LRP1B: variants seen among roughly 807,000 people sequenced by gnomAD.
LRP1B encodes the protein low-density lipoprotein receptor-related protein 1B.
In LRP1B, 217 loss-of-function variants were observed where a neutral mutation model predicts 556.6. The ratio of observed to expected loss-of-function variants is 0.39; its 90% CI spans 0.35 to 0.44. LRP1B has a LOEUF of 0.44. LRP1B is among the 20% of genes least tolerant of loss of function. The probability of loss-of-function intolerance (pLI) is 1.00; values close to 1 mark genes in which losing one functional copy is unlikely to be tolerated. For synonymous variants in LRP1B, 2,047 were observed against 1,865.8 expected, an observed-to-expected ratio of 1.10 and a Z score of -2.50; for missense variants, 5,053 against 5,620.8, an observed-to-expected ratio of 0.90 and a Z score of 3.23.
rs142538994 is a variant in LRP1B at position 140,978,259 on chromosome 2, A to G, written c.2887+3901T>C. On this transcript the variant is annotated intron_variant, in intron 18 of 90. Transcript: ENST00000389484. ...AAATAGATGCTAGTAAATTCCAGTG[A>G]AAACCTGACCCTCAGTTGTAGCACC... is the stretch of plus-strand genomic sequence containing the variant. Among the ~76,000 whole-genome samples, 72 of 152,324 alleles carry G rather than the reference A, an allele frequency of 4.7e-4. No homozygotes were observed. The East Asian group carries it at 0.013, about 27-fold the overall frequency.
At chr2:140,938,471 C>T (rs1269334312) in intron 20 of LRP1B, among the ~76,000 whole-genome samples, 1 of 151,928 alleles carries the variant, frequency 6.6e-6, no homozygotes, top group Non-Finnish European at 1.5e-5. Flanking sequence ...AGTAGAAATG[C>T]CTTTCTTTTG....
intron 1 of LRP1B, among the ~76,000 whole-genome samples, chr2:141,967,727 C>A (rs1198176771): frequency 1.3e-5 from 2 of 151,640 alleles, no homozygotes; most frequent in South Asian, 2.1e-4. Flanking sequence ...TTTATAACAC[C>A]TTCTGCTTAA....
At chr2:141,936,530 C>T (rs188896393) in intron 1 of LRP1B, among the ~76,000 whole-genome samples, 308 of 152,286 alleles carry the variant, frequency 2.0e-3, no homozygotes, top group African/African-American at 7.2e-3. Context: ...CCAACTCTGC[C>T]TTTAGACTTT....
intron 35 of LRP1B, among the ~76,000 whole-genome samples, chr2:140,729,655 C>T (rs1427081321): frequency 1.3e-5 from 2 of 152,138 alleles, no homozygotes; most frequent in Non-Finnish European, 2.9e-5. Context: ...GACCAAGAAG[C>T]CTCCTTCAAT....
chr2:140,569,525 C>T (rs925643509), intron 43 of LRP1B, among the ~76,000 whole-genome samples: 2 of 151,748 alleles, frequency 1.3e-5, no homozygotes, highest in African/African-American at 4.8e-5. Context: ...TATATATACA[C>T]CCAACATTAG....
intron 77 of LRP1B, among the ~76,000 whole-genome samples, chr2:140,346,344 T>C (rs990630856): frequency 4.2e-4 from 64 of 151,956 alleles, no homozygotes; most frequent in African/African-American, 1.5e-3. Flanking sequence ...AAATCCATTA[T>C]AGCAAAGTGT....
chr2:141,950,029 G>A (rs762134028), intron 1 of LRP1B, among the ~76,000 whole-genome samples: 3 of 152,024 alleles, frequency 2.0e-5, no homozygotes, highest in Non-Finnish European at 2.9e-5. Context: ...GGAACTATCC[G>A]GTTTAAAATG....
At chr2:140,958,360 AG>A (rs1220200063) in intron 18 of LRP1B, among the ~76,000 whole-genome samples, 1 of 151,654 alleles carries the variant, frequency 6.6e-6, no homozygotes, top group Admixed American at 6.6e-5. Flanking sequence ...TAAAATAGGC[AG>A]ATTTGAAAAG....
chr2:142,116,584 C>A (rs538096797), intron 1 of LRP1B, among the ~76,000 whole-genome samples: 2 of 152,106 alleles, frequency 1.3e-5, no homozygotes, highest in East Asian at 3.9e-4. Flanking sequence ...AAAATCTATA[C>A]CCTCATTAAT....
intron 87 of LRP1B, among the ~76,000 whole-genome samples, chr2:140,246,657 C>T (rs1176385691): frequency 6.6e-6 from 1 of 151,396 alleles, no homozygotes; most frequent in African/African-American, 2.4e-5. Flanking sequence ...CTCTTTCAGA[C>T]TAACCAATAA....
At chr2:140,921,166 T>C (rs892386430) in intron 21 of LRP1B, among the ~76,000 whole-genome samples, 1 of 151,992 alleles carries the variant, frequency 6.6e-6, no homozygotes, top group Non-Finnish European at 1.5e-5. Flanking sequence ...TATTAATACA[T>C]AGCTTTGAGA....
chr2:142,122,342 G>C (rs1159341795), intron 1 of LRP1B, among the ~76,000 whole-genome samples: 1 of 152,200 alleles, frequency 6.6e-6, no homozygotes, highest in South Asian at 2.1e-4. Context: ...CTAGGAGAAG[G>C]AACTGTAGAA....
At chr2:141,362,916 T>G (rs1359196112) in intron 3 of LRP1B, among the ~76,000 whole-genome samples, 4 of 152,138 alleles carry the variant, frequency 2.6e-5, no homozygotes, top group African/African-American at 7.2e-5. Flanking sequence ...TCCAAAAGCT[T>G]GGTAAAAATA....
intron 23 of LRP1B, 137 bp from the exon 24 acceptor site, chr2:140,886,472 C>A (rs1693639595): frequency 1.8e-6 from 1 of 547,860 alleles, no homozygotes; most frequent in Non-Finnish European, 3.1e-6. Context: ...TCTTTTAATC[C>A]AAAATTTAAC....
chr2:140,582,635 G>A (rs1681817752), intron 43 of LRP1B, among the ~76,000 whole-genome samples: 1 of 152,092 alleles, frequency 6.6e-6, no homozygotes, highest in East Asian at 1.9e-4. Context: ...CATTCCTTCT[G>A]TCATGCGAGG....
intron 2 of LRP1B, among the ~76,000 whole-genome samples, chr2:141,516,693 T>TCTC (rs770469235): frequency 2.3e-4 from 5 of 21,354 alleles, no homozygotes; most frequent in Admixed American, 1.2e-3. Flanking sequence ...TCTCTCTCTC[T>TCTC]TTTTTTTTTT....
At chr2:141,825,751 A>G in intron 1 of LRP1B, among the ~76,000 whole-genome samples, 1 of 152,192 alleles carries the variant, frequency 6.6e-6, no homozygotes, top group East Asian at 1.9e-4. Context: ...GTGAAATCTC[A>G]TCAAAGTAAT....
At chr2:141,788,604 C>T (rs1054346349) in intron 2 of LRP1B, among the ~76,000 whole-genome samples, 1 of 151,856 alleles carries the variant, frequency 6.6e-6, no homozygotes, top group African/African-American at 2.4e-5. Flanking sequence ...CATATGTATA[C>T]ATGTGCCATG....
intron 20 of LRP1B, among the ~76,000 whole-genome samples, chr2:140,927,798 C>A (rs970368702): frequency 6.6e-6 from 1 of 151,110 alleles, no homozygotes; most frequent in African/African-American, 2.4e-5. Flanking sequence ...CCTCTGCCTC[C>A]CGGGTTCAAG....
Sources: gnomAD v4.1 joint callset for allele counts (sites outside exome capture counted in the v4.1 genomes callset) on GRCh38, gnomAD v4.1.1 for gene constraint, MANE v1.5 for transcripts, NCBI Gene and HGNC (gene_info 2026-07-23, HGNC 2026-07-21) for gene names.